MERTK: variants seen among roughly 807,000 people sequenced by gnomAD.
The protein encoded by MERTK is MER proto-oncogene, tyrosine kinase.
A neutral mutation model predicts 99.3 loss-of-function variants in MERTK; 69 were observed. The observed-to-expected ratio is 0.70, with a 90% confidence interval of 0.57 to 0.85. The LOEUF (loss-of-function observed/expected upper bound fraction) is 0.85, where lower values mean the gene tolerates loss of function less well. MERTK is among the 40% of genes least tolerant of loss of function. The pLI is 0.00. For missense variants in MERTK, 1,125 were observed against 1,249.4 expected, an observed-to-expected ratio of 0.90 and a Z score of 1.50; for synonymous variants, 426 against 467.6, an observed-to-expected ratio of 0.91 and a Z score of 1.15.
intron 1 of MERTK, among the ~76,000 whole-genome samples, chr2:111,908,045 C>G (rs1299864876): frequency 6.6e-6 from 1 of 152,160 alleles, no homozygotes; most frequent in Non-Finnish European, 1.5e-5. Flanking sequence ...GATTCTTGGG[C>G]AGTGGTGGGG....
At chr2:111,935,177 A>G (rs767398585) in intron 2 of MERTK, among the ~76,000 whole-genome samples, 1 of 152,224 alleles carries the variant, frequency 6.6e-6, no homozygotes, top group Non-Finnish European at 1.5e-5. Flanking sequence ...AGTTATCAAA[A>G]TGGCCATCCT....
intron 1 of MERTK, among the ~76,000 whole-genome samples, chr2:111,914,820 T>G (rs1470752192): frequency 6.6e-6 from 1 of 152,206 alleles, no homozygotes; most frequent in Non-Finnish European, 1.5e-5. Context: ...AATAATTTTT[T>G]TGTGTTTATA....
chr2:111,978,513 C>G (rs1676302052), intron 7 of MERTK, among the ~76,000 whole-genome samples: 1 of 152,134 alleles, frequency 6.6e-6, no homozygotes, highest in Admixed American at 6.5e-5. Flanking sequence ...CCAGGCTGCT[C>G]TCAAACTCCT....
At chr2:112,022,226 T>G in intron 17 of MERTK, 32 bp from the exon 18 acceptor site, 2 of 1,614,192 alleles carry the variant, frequency 1.2e-6, no homozygotes, top group Non-Finnish European at 1.7e-6. Context: ...TGGAAAGGCT[T>G]GCATCCTAAC....
intron 14 of MERTK, 112 bp from the exon 15 acceptor site, chr2:112,009,836 C>A: frequency 1.2e-6 from 1 of 848,902 alleles, no homozygotes; most frequent in Non-Finnish European, 2.0e-6. Flanking sequence ...TTGATTTTTT[C>A]AAACTGTTAA....
chr2:111,995,983 T>C (rs1676727446), intron 9 of MERTK, among the ~76,000 whole-genome samples: 1 of 151,342 alleles, frequency 6.6e-6, no homozygotes, highest in African/African-American at 2.4e-5. Context: ...ACAAAGACAA[T>C]GAGATTCTGA....
rs747346240 is a variant in MERTK at position 112,021,423 on chromosome 2, T to C, written c.2191T>C (p.Leu731=). Residue 731 remains leucine, a splice_region_variant and synonymous_variant, in exon 17 of 19, where the codon TTG becomes CTG. Transcript: ENST00000295408. ...GAAGACGTAACCTGCTCTCTGTAGGTTGCGAGATGACATGACTGTCTGTGT... is the reference window on the plus strand; with the variant it reads ...GAAGACGTAACCTGCTCTCTGTAGGCTGCGAGATGACATGACTGTCTGTGT... ...HRDLAARNCM[L]RDDMTVCVAD... 1.2e-6 allele frequency: 2 copies of C among 1,613,136 alleles called. No homozygotes were observed. Among genetic ancestry groups the C allele is most frequent in the South Asian group, 1.1e-5 (1 of 91,024 alleles).
intron 13 of MERTK, among the ~76,000 whole-genome samples, chr2:112,007,240 C>T (rs1395213985): frequency 1.3e-5 from 2 of 152,282 alleles, no homozygotes; most frequent in South Asian, 2.1e-4. Flanking sequence ...CTGCAAACTC[C>T]GCCTCCCGGA....
At chr2:111,921,142 C>T (rs1428420505) in intron 1 of MERTK, among the ~76,000 whole-genome samples, 1 of 151,992 alleles carries the variant, frequency 6.6e-6, no homozygotes, top group East Asian at 1.9e-4. Flanking sequence ...TGTGTGCACA[C>T]AGAATGTGGG....
chr2:111,914,652 T>A (rs1356751207), intron 1 of MERTK, among the ~76,000 whole-genome samples: 1 of 152,208 alleles, frequency 6.6e-6, no homozygotes, highest in Non-Finnish European at 1.5e-5. Flanking sequence ...AACAATATGA[T>A]CATGTGATTT....
At chr2:111,902,112 C>T (rs762825151) in intron 1 of MERTK, among the ~76,000 whole-genome samples, 13 of 152,090 alleles carry the variant, frequency 8.5e-5, no homozygotes, top group Non-Finnish European at 1.8e-4. Context: ...CTCGAACTCC[C>T]AACCTCAGGT....
At chr2:112,025,184 C>T (rs1006548322) in intron 18 of MERTK, among the ~76,000 whole-genome samples, 13 of 152,120 alleles carry the variant, frequency 8.5e-5, no homozygotes, top group African/African-American at 1.9e-4. Flanking sequence ...TCTCTTCCTT[C>T]GTGGGGCTGC....
chr2:111,955,813 A>G (rs552822355), intron 4 of MERTK, among the ~76,000 whole-genome samples: 5 of 152,290 alleles, frequency 3.3e-5, no homozygotes, highest in South Asian at 4.1e-4. Context: ...ATCCCAAAAT[A>G]AAGAGCAGAA....
intron 1 of MERTK, among the ~76,000 whole-genome samples, chr2:111,919,424 G>T (rs1165725996): frequency 6.6e-6 from 1 of 152,030 alleles, no homozygotes; most frequent in Non-Finnish European, 1.5e-5. Flanking sequence ...GTGGGACATG[G>T]GCATCAGAAG....
intron 1 of MERTK, among the ~76,000 whole-genome samples, chr2:111,922,429 G>A (rs1684477201): frequency 6.6e-6 from 1 of 152,220 alleles, no homozygotes; most frequent in Non-Finnish European, 1.5e-5. Flanking sequence ...CAAGCCCGAT[G>A]TATATTTTTT....
chr2:111,957,943 A>G lies in MERTK; in HGVS notation c.758-7248A>G, dbSNP rs1685180320. On this transcript the variant is annotated intron_variant, in intron 4 of 18. Coordinates refer to ENST00000295408, the MANE Select transcript of MERTK (RefSeq NM_006343.3). ...TGCTCTTAGGAGTTGCTCCCTCAGC[A>G]ATTCGGATTGTCCTTCTCTCAAGGG... Among the ~76,000 whole-genome samples, 3 of 152,344 alleles carry G rather than the reference A, an allele frequency of 2.0e-5. No homozygotes were observed. The South Asian group carries it at 6.2e-4, about 32-fold the overall frequency.
chr2:111,900,074 A>ATTTTCTCTCCATTCAGCATGTAGAT (rs1684015750), intron 1 of MERTK, among the ~76,000 whole-genome samples: 1 of 152,114 alleles, frequency 6.6e-6, no homozygotes, highest in African/African-American at 2.4e-5. Flanking sequence ...CAGCATGTAG[A>ATTTTCTCTCCATTCAGCATGTAGAT]TTTTCTCTCT....
chr2:111,970,744 C>CCCTCCTCCCTTCTCCTCCT, intron 6 of MERTK, among the ~76,000 whole-genome samples: 1 of 106,230 alleles, frequency 9.4e-6, no homozygotes, highest in Admixed American at 9.5e-5. Context: ...CCCTACTCCT[C>CCCTCCTCCCTTCTCCTCCT]CCTCCTCCCT....
chr2:111,908,704 G>A (rs1684186775), intron 1 of MERTK, among the ~76,000 whole-genome samples: 1 of 152,112 alleles, frequency 6.6e-6, no homozygotes, highest in Non-Finnish European at 1.5e-5. Flanking sequence ...AACCAGGTTG[G>A]GATTAGACAG....
Sources: allele counts gnomAD v4.1 joint callset (sites outside exome capture counted in the v4.1 genomes callset), GRCh38; gene constraint gnomAD v4.1.1; transcripts MANE v1.5; gene names NCBI Gene and HGNC (gene_info 2026-07-23, HGNC 2026-07-21).